FHIT: variants seen among roughly 807,000 people sequenced by gnomAD.
FHIT encodes bis(5'-adenosyl)-triphosphatase.
A neutral mutation model predicts 17.9 loss-of-function variants in FHIT; 19 were observed. That is an observed-to-expected ratio of 1.06 (90% CI 0.74 to 1.56). FHIT has a LOEUF of 1.56. FHIT is among the 40% of genes most tolerant of loss of function. The pLI is 0.00. For missense variants in FHIT, 248 were observed against 189.2 expected (o/e 1.31, Z -1.82); for synonymous variants, 81 against 69.7 (o/e 1.16, Z -0.81).
chr3:60,889,125 C>A (rs1334718211), intron 3 of FHIT, among the ~76,000 whole-genome samples: 1 of 152,210 alleles, frequency 6.6e-6, no homozygotes, highest in African/African-American at 2.4e-5. Context: ...TTACCTGCTA[C>A]CTGCTCTGCC....
intron 3 of FHIT, among the ~76,000 whole-genome samples, chr3:61,011,420 G>A (rs1429500052): frequency 6.6e-6 from 1 of 152,080 alleles, no homozygotes; most frequent in Non-Finnish European, 1.5e-5. Context: ...GATGAATCCA[G>A]ATCACCAATA....
At chr3:61,237,850 A>G (rs921956654) in intron 1 of FHIT, among the ~76,000 whole-genome samples, 1 of 152,204 alleles carries the variant, frequency 6.6e-6, no homozygotes, top group Non-Finnish European at 1.5e-5. Flanking sequence ...GCCAGAAGTG[A>G]GTCCTCAGGG....
At chr3:60,943,202 G>A (rs1708493161) in intron 3 of FHIT, among the ~76,000 whole-genome samples, 1 of 151,976 alleles carries the variant, frequency 6.6e-6, no homozygotes, top group Admixed American at 6.6e-5. Flanking sequence ...AGAGAAAAAT[G>A]GTTAAAACTC....
intron 4 of FHIT, among the ~76,000 whole-genome samples, chr3:60,604,122 T>C (rs1310448890): frequency 6.6e-6 from 1 of 152,168 alleles, no homozygotes; most frequent in Non-Finnish European, 1.5e-5. Context: ...AAGAGAAGGC[T>C]ATCAAGGCCA....
intron 1 of FHIT, among the ~76,000 whole-genome samples, chr3:61,249,933 A>AACACACACACACACACACACACAC (rs71100943): frequency 7.9e-6 from 1 of 126,048 alleles, no homozygotes; most frequent in Non-Finnish European, 1.7e-5. Flanking sequence ...AATCAATAAC[A>AACACACACACACACACACACACAC]ACACACACAC....
intron 4 of FHIT, among the ~76,000 whole-genome samples, chr3:60,565,337 T>C (rs1048124764): frequency 2.1e-4 from 32 of 152,140 alleles, no homozygotes; most frequent in African/African-American, 4.8e-5. Context: ...GTGGGCATAC[T>C]ACCCATGCTG....
intron 7 of FHIT, among the ~76,000 whole-genome samples, chr3:59,950,297 G>A (rs878886953): frequency 1.3e-5 from 2 of 152,106 alleles, no homozygotes; most frequent in Non-Finnish European, 1.5e-5. Context: ...CCATTAAACA[G>A]GTTCTCCATG....
rs1412176304 is a variant in FHIT at position 60,012,276 on chromosome 3, T to G, written c.250-876A>C. Among the ~76,000 whole-genome samples, 7 of 149,238 alleles carry G rather than the reference T, an allele frequency of 4.7e-5. No homozygotes were observed. The East Asian group carries it at 5.9e-4, about 13-fold the overall frequency. ...GGTGTTTTTTTTGTTGTTTTTTTTT[T>G]TTTTTTTTTTGAGAAAGGGTCTTAC... On this transcript the variant is annotated intron_variant, in intron 6 of 9. Coordinates refer to ENST00000492590, the MANE Select transcript of FHIT (RefSeq NM_002012.4).
At chr3:59,912,764 T>C (rs769059928) in intron 8 of FHIT, among the ~76,000 whole-genome samples, 3 of 152,214 alleles carry the variant, frequency 2.0e-5, no homozygotes, top group Non-Finnish European at 4.4e-5. Context: ...TTACCACTAA[T>C]GTAAGAAGGA....
At chr3:60,524,363 T>C (rs888171739) in intron 5 of FHIT, among the ~76,000 whole-genome samples, 1 of 152,146 alleles carries the variant, frequency 6.6e-6, no homozygotes, top group Non-Finnish European at 1.5e-5. Flanking sequence ...ACAATCTAAA[T>C]AGAGGTCTGA....
At chr3:59,933,590 T>C (rs1706079218) in intron 7 of FHIT, among the ~76,000 whole-genome samples, 2 of 152,132 alleles carry the variant, frequency 1.3e-5, no homozygotes, top group South Asian at 2.1e-4. Flanking sequence ...ATGTCAAGCG[T>C]AATCTGTATT....
At chr3:61,210,219 G>A (rs577620631) in intron 1 of FHIT, among the ~76,000 whole-genome samples, 166 of 152,278 alleles carry the variant, frequency 1.1e-3, no homozygotes, top group Non-Finnish European at 2.1e-3. Flanking sequence ...CGCCCCTAGT[G>A]CGGGGTACCT....
chr3:60,485,213 A>T (rs919570029), intron 5 of FHIT, among the ~76,000 whole-genome samples: 1 of 152,170 alleles, frequency 6.6e-6, no homozygotes, highest in Non-Finnish European at 1.5e-5. Flanking sequence ...TGGGAATGTA[A>T]ATTAATTCAA....
intron 8 of FHIT, among the ~76,000 whole-genome samples, chr3:59,874,977 C>T (rs550257155): frequency 8.5e-5 from 13 of 152,330 alleles, no homozygotes; most frequent in South Asian, 6.2e-4. Flanking sequence ...TCTCCTATTT[C>T]GGCAAGTGCT....
chr3:61,149,715 A>C (rs2037329689), intron 2 of FHIT, among the ~76,000 whole-genome samples: 1 of 151,580 alleles, frequency 6.6e-6, no homozygotes, highest in Non-Finnish European at 1.5e-5. Context: ...CAGTCTCTAC[A>C]AAAAATACAA....
intron 4 of FHIT, among the ~76,000 whole-genome samples, chr3:60,750,697 A>G (rs533558356): frequency 3.3e-5 from 5 of 152,256 alleles, no homozygotes; most frequent in Admixed American, 1.3e-4. Flanking sequence ...TCTCCGATAT[A>G]TCTTTATCAG....
intron 2 of FHIT, among the ~76,000 whole-genome samples, chr3:61,186,262 C>T (rs1189899001): frequency 6.6e-6 from 1 of 152,184 alleles, no homozygotes; most frequent in Non-Finnish European, 1.5e-5. Context: ...AATCCAGCTG[C>T]CTGCCCTGTA....
chr3:59,841,894 T>C (rs1701547159), intron 8 of FHIT, among the ~76,000 whole-genome samples: 2 of 152,202 alleles, frequency 1.3e-5, no homozygotes, highest in Non-Finnish European at 2.9e-5. Flanking sequence ...TCTTTTATTG[T>C]GGTAGAATAC....
chr3:60,469,928 T>A (rs1376548608), intron 5 of FHIT, among the ~76,000 whole-genome samples: 1 of 152,044 alleles, frequency 6.6e-6, no homozygotes, highest in Non-Finnish European at 1.5e-5. Context: ...ACCGTGGTGG[T>A]CTTGGGTAAC....
Sources: allele counts gnomAD v4.1 joint callset (sites outside exome capture counted in the v4.1 genomes callset), GRCh38; gene constraint gnomAD v4.1.1; transcripts MANE v1.5; gene names NCBI Gene and HGNC (gene_info 2026-07-23, HGNC 2026-07-21).